The following LRRC37A2 variants were observed in gnomAD, a reference collection of about 807,000 sequenced individuals.
LRRC37A2 encodes the protein leucine-rich repeat-containing protein 37A2.
LRRC37A2 carries 9 observed loss-of-function variants against 68.8 expected under a neutral mutation model. The ratio of observed to expected loss-of-function variants is 0.13; its 90% CI spans 0.08 to 0.23. The LOEUF is 0.23. Among genes scored for constraint, LRRC37A2 ranks in the 10% least tolerant of loss-of-function variants. The probability of loss-of-function intolerance (pLI) is 1.00; values close to 1 mark genes in which losing one functional copy is unlikely to be tolerated. For missense variants in LRRC37A2, 168 were observed against 950.4 expected (o/e 0.18, Z 10.82); for synonymous variants, 63 against 367.6 (o/e 0.17, Z 9.48).
At chr17:46,550,813 CTCA>C (rs941706256) in intron 11 of LRRC37A2, among the ~76,000 whole-genome samples, 1 of 120,158 alleles carries the variant, frequency 8.3e-6, no homozygotes, top group African/African-American at 3.3e-5. Context: ...ATTGGATGTA[CTCA>C]TCAAGTCACC....
chr17:46,803,158 C>CTTCT, the LRRC37A2 span, among the ~76,000 whole-genome samples: 1 of 152,214 alleles, frequency 6.6e-6, no homozygotes, highest in Non-Finnish European at 1.5e-5. Flanking sequence ...CGCATTTGGT[C>CTTCT]GCAGAAGTCT....
At chr17:46,489,495 T>C in the LRRC37A2 span, among the ~76,000 whole-genome samples, 3 of 145,936 alleles carry the variant, frequency 2.1e-5, no homozygotes, top group African/African-American at 8.1e-5. Flanking sequence ...GTTTGTTTGT[T>C]TGTTTTTTGA....
At chr17:46,939,030 G>T in the LRRC37A2 span, 1 of 1,288,750 alleles carries the variant, frequency 7.8e-7, no homozygotes, top group African/African-American at 1.5e-5. Context: ...ACTGGGGGAG[G>T]GAAAGAATGG....
At chr17:46,768,270 C>A in the LRRC37A2 span, 2 of 1,611,062 alleles carry the variant, frequency 1.2e-6, no homozygotes, top group Non-Finnish European at 1.7e-6. This position sits in a 1 kb window ranked among gnomAD's most constrained non-coding sequence, Gnocchi z 5.0. Flanking sequence ...CCATTCCCTG[C>A]GCCCAGGCTC....
At chr17:46,755,610 T>C in the LRRC37A2 span, 5 of 708,932 alleles carry the variant, frequency 7.1e-6, no homozygotes, top group East Asian at 1.3e-4. Flanking sequence ...ACATATTTAT[T>C]GGAACCTGCT....
chr17:46,545,473 G>A (rs1400943197), intron 8 of LRRC37A2, among the ~76,000 whole-genome samples: 1 of 113,402 alleles, frequency 8.8e-6, no homozygotes, highest in African/African-American at 4.6e-5. Context: ...TTTTCCCCTT[G>A]GTAATTAATA....
chr17:46,851,598 C>A, the LRRC37A2 span: 3 of 1,163,340 alleles, frequency 2.6e-6, no homozygotes, highest in South Asian at 3.3e-5. The surrounding 1 kb of genome is among the most constrained non-coding windows in gnomAD (Gnocchi z 4.3). Context: ...CGAGCTTGAG[C>A]GGCGCGAGGA....
chr17:46,691,848 G>A, the LRRC37A2 span, among the ~76,000 whole-genome samples: 11 of 151,282 alleles, frequency 7.3e-5, no homozygotes, highest in East Asian at 1.4e-3. Flanking sequence ...TGCCTCCTGG[G>A]TTCAGGTGAT....
chr17:46,954,910 G>T, the LRRC37A2 span, among the ~76,000 whole-genome samples: 1 of 152,222 alleles, frequency 6.6e-6, no homozygotes, highest in Admixed American at 6.5e-5. Flanking sequence ...AGCTTAAAGA[G>T]ATTTTGGGCT....
At chr17:46,748,311 A>G in the LRRC37A2 span, among the ~76,000 whole-genome samples, 10 of 152,172 alleles carry the variant, frequency 6.6e-5, no homozygotes, top group African/African-American at 2.4e-4. Flanking sequence ...GGGTTTCGCC[A>G]TGTTGGTCAG....
At chr17:46,931,633 T>C in the LRRC37A2 span, 1 of 281,184 alleles carries the variant, frequency 3.6e-6, no homozygotes, top group Admixed American at 5.3e-5. Flanking sequence ...AGCATGAAAT[T>C]AAAATGAAAC....
the LRRC37A2 span, chr17:46,931,178 G>GC: frequency 1.9e-6 from 3 of 1,600,196 alleles, no homozygotes; most frequent in Non-Finnish European, 2.6e-6. Flanking sequence ...CCAGCAAGGA[G>GC]CCCCCTAACA....
At chr17:46,492,371 G>A in the LRRC37A2 span, among the ~76,000 whole-genome samples, 8 of 150,928 alleles carry the variant, frequency 5.3e-5, no homozygotes, top group Non-Finnish European at 8.8e-5. Context: ...CTTTATTGCT[G>A]AGTAGCAGTC....
chr17:46,728,782 AAAAC>A, the LRRC37A2 span: 1 of 1,145,028 alleles, frequency 8.7e-7, no homozygotes, highest in Non-Finnish European at 1.2e-6. Flanking sequence ...GCAAAAAAAA[AAAAC>A]AAAAACTGAA....
chr17:46,848,634 G>A, the LRRC37A2 span, among the ~76,000 whole-genome samples: 1,412 of 152,352 alleles, frequency 9.3e-3, 25 homozygotes, highest in African/African-American at 0.032. Context: ...ACACTTAGGA[G>A]GTACACGATG....
At chr17:46,729,299 A>G in the LRRC37A2 span, among the ~76,000 whole-genome samples, 3 of 152,194 alleles carry the variant, frequency 2.0e-5, no homozygotes, top group Non-Finnish European at 2.9e-5. Context: ...TGTTTCATTT[A>G]TAATTTCATG....
the LRRC37A2 span, among the ~76,000 whole-genome samples, chr17:46,691,364 CTGAG>C: frequency 9.7e-6 from 1 of 103,124 alleles, no homozygotes; most frequent in African/African-American, 4.1e-5. Flanking sequence ...GGAGGCTGCG[CTGAG>C]TGAATCACCT....
the LRRC37A2 span, among the ~76,000 whole-genome samples, chr17:46,984,266 C>A: frequency 1.3e-5 from 2 of 151,664 alleles, no homozygotes; most frequent in Non-Finnish European, 2.9e-5. Context: ...CCTTAGTTAC[C>A]CTACAACTAA....
chr17:46,872,544 C>T, the LRRC37A2 span: 1 of 1,564,966 alleles, frequency 6.4e-7, no homozygotes, highest in Non-Finnish European at 8.7e-7. Flanking sequence ...TCCTGACGCC[C>T]TTCCCAGGAT....
Sources: gnomAD v4.1 joint callset for allele counts (sites outside exome capture counted in the v4.1 genomes callset) on GRCh38, gnomAD v4.1.1 for gene constraint, Gnocchi (gnomAD v3.1) non-coding constraint, MANE v1.5 for transcripts, NCBI Gene and HGNC (gene_info 2026-07-23, HGNC 2026-07-21) for gene names.